Variants in METTL6 observed in about 807,000 individuals in gnomAD.
METTL6 encodes tRNA N(3)-cytidine methyltransferase METTL6.
Under a neutral mutation model 26.4 loss-of-function variants are expected in METTL6, and 22 were observed. The ratio of observed to expected loss-of-function variants is 0.83; its 90% CI spans 0.59 to 1.19. The LOEUF is 1.19. Ranked by LOEUF, METTL6 falls within the 50% of genes most tolerant of loss-of-function variation. The pLI is 0.00. For synonymous variants in METTL6, 109 were observed against 116.2 expected (o/e 0.94, Z 0.40); for missense variants, 304 against 324.8 (o/e 0.94, Z 0.49).
chr3:15,401,920 C>T (rs1482537077), intron 6 of METTL6, among the ~76,000 whole-genome samples: 1 of 152,224 alleles, frequency 6.6e-6, no homozygotes, highest in South Asian at 2.1e-4. Context: ...ACTACTGTGC[C>T]TATGGAGTAG....
At chr3:15,401,787 G>A (rs1699653992) in intron 6 of METTL6, among the ~76,000 whole-genome samples, 1 of 152,110 alleles carries the variant, frequency 6.6e-6, no homozygotes, top group African/African-American at 2.4e-5. Context: ...TCTTAAGTGG[G>A]GAGAAACCCT....
intron 3 of METTL6, among the ~76,000 whole-genome samples, chr3:15,419,050 C>G (rs558738136): frequency 5.9e-5 from 9 of 152,128 alleles, no homozygotes; most frequent in African/African-American, 2.2e-4. Flanking sequence ...TGCCCATGGT[C>G]CCAGCTCAGG....
In METTL6 at chr3:15,415,785, T is replaced by G; in HGVS notation, c.518A>C (p.Gln173Pro). 1 of 1,613,746 alleles carries G rather than the reference T, an allele frequency of 6.2e-7. No individual in the cohort carries two copies. Among genetic ancestry groups the G allele is most frequent in the South Asian group, 1.1e-5 (1 of 90,930 alleles). ...VHPDKMHLVL[Q>P]NIYKVLKPGK... ...CAAATCACTAACCTTGTAAATGTTT[T>G]GTAAGACAAGGTGCATCTTATCAGG... The change falls in exon 4 of 6, where the codon CAA (glutamine) becomes CCA (proline). Residue 173 changes from glutamine to proline, a missense_variant. Coordinates refer to ENST00000383790, the MANE Select transcript of METTL6 (RefSeq NM_152396.4).
In METTL6 at chr3:15,424,953, A is replaced by C. The variant is rs773491906; in HGVS notation, c.360+2T>G. 1.4e-5 allele frequency: 22 copies of C among 1,614,006 alleles called. No homozygotes were observed. The highest frequency in any genetic ancestry group is 1.8e-5 in the Non-Finnish European group (21 of 1,180,018). On this transcript the variant is annotated splice_donor_variant, in intron 3 of 5. Transcript: ENST00000383790. LOFTEE classifies it high-confidence loss of function. ...AGCAGAATACATAGATGGTGCACCA[A>C]CCTTAACATATTCAATGGCTCTTGG...
chr3:15,409,528 T>G (rs1699889767), downstream of METTL6, among the ~76,000 whole-genome samples: 1 of 152,226 alleles, frequency 6.6e-6, no homozygotes, highest in Non-Finnish European at 1.5e-5. Context: ...TTGCTACTGC[T>G]TCCTCATTTC....
intron 6 of METTL6, among the ~76,000 whole-genome samples, chr3:15,393,791 G>C (rs1450460062): frequency 6.6e-6 from 1 of 152,120 alleles, no homozygotes; most frequent in African/African-American, 2.4e-5. Flanking sequence ...TTATATGCTG[G>C]ATTACATTTA....
At chr3:15,403,092 T>A (rs1253657833) in intron 6 of METTL6, among the ~76,000 whole-genome samples, 1 of 152,188 alleles carries the variant, frequency 6.6e-6, no homozygotes, top group Non-Finnish European at 1.5e-5. Flanking sequence ...TTCTCACTGT[T>A]ACATTTTGCA....
intron 6 of METTL6, among the ~76,000 whole-genome samples, chr3:15,386,907 C>T (rs559187354): frequency 6.6e-6 from 1 of 152,208 alleles, no homozygotes; most frequent in Admixed American, 6.5e-5. Context: ...GATTCTCCAG[C>T]CTTGCCTCCT....
At position 15,394,220 on chromosome 3, in the gene METTL6, T is replaced by A. The variant is rs1268236990; in HGVS notation, c.*12-10033A>T. On this transcript the variant is annotated intron_variant, in intron 6 of 6. Coordinates refer to the METTL6 transcript ENST00000443029. ...GAGATTCAACTTCTTCCTGGTTTAG[T>A]CTTGGGAGAGTGTATGTGTCAAGGA... is the stretch of plus-strand genomic sequence containing the variant. 3.3e-5 allele frequency among the ~76,000 whole-genome samples: 5 copies of A among 152,234 alleles called. No individual in the cohort carries two copies. In the East Asian group the frequency reaches 9.6e-4, roughly 29 times the overall value.
rs145030366 is a variant in METTL6, at chr3:15,391,480, G to C, written c.*12-7293C>G. Among the ~76,000 whole-genome samples the C allele has an allele frequency of 3.5e-3, 527 of 152,024 alleles. 4 individuals carry two copies. The highest frequency in any genetic ancestry group is 0.012 in the African/African-American group (512 of 41,434). On this transcript the variant is annotated intron_variant, in intron 6 of 6. Transcript: ENST00000443029. Reference sequence around the variant, plus strand: ...ACATTGCAGAACAATTCCAGATCCTGTAACTTAGGTCCTGTATGTTGACAG... The same window carrying C: ...ACATTGCAGAACAATTCCAGATCCTCTAACTTAGGTCCTGTATGTTGACAG...
At chr3:15,384,930 A>G (rs1006617884) in intron 6 of METTL6, among the ~76,000 whole-genome samples, 4 of 152,198 alleles carry the variant, frequency 2.6e-5, no homozygotes. Context: ...TCTGTGAAAT[A>G]ATGGGTTACT....
chr3:15,401,553 A>G (rs867009575), intron 6 of METTL6, among the ~76,000 whole-genome samples: 91 of 150,938 alleles, frequency 6.0e-4, no homozygotes, highest in African/African-American at 2.2e-3. Flanking sequence ...AAAAAAAAAA[A>G]AAAAGAAAGA....
At chr3:15,406,631 G>C (rs866335510), downstream of METTL6, among the ~76,000 whole-genome samples, 2 of 90,478 alleles carry the variant, frequency 2.2e-5, no homozygotes, top group Non-Finnish European at 4.2e-5. Context: ...TATATATATA[G>C]AGAGAGAGAG....
At chr3:15,426,103 G>A (rs928646190) in intron 2 of METTL6, among the ~76,000 whole-genome samples, 184 bp downstream of exon 2, 1 of 152,178 alleles carries the variant, frequency 6.6e-6, no homozygotes, top group Non-Finnish European at 1.5e-5. Context: ...ACCACACCCA[G>A]CTAATTTTTG....
intron 6 of METTL6, among the ~76,000 whole-genome samples, chr3:15,395,702 C>CA (rs1699469105): frequency 6.6e-6 from 1 of 151,992 alleles, no homozygotes. Flanking sequence ...CTGGTGGTGA[C>CA]AAAATCTCTC....
At chr3:15,419,441 T>C (rs2061560622) in intron 3 of METTL6, among the ~76,000 whole-genome samples, 1 of 152,138 alleles carries the variant, frequency 6.6e-6, no homozygotes, top group South Asian at 2.1e-4. Context: ...AATAAACAAA[T>C]GTGGACTAAA....
chr3:15,422,322 T>C (rs910826664), intron 3 of METTL6, among the ~76,000 whole-genome samples: 21 of 151,298 alleles, frequency 1.4e-4, no homozygotes, highest in Non-Finnish European at 2.5e-4. Context: ...TGAGACCCTA[T>C]CTCAAAAAAT....
At chr3:15,415,422 G>A (rs1559492396) in intron 4 of METTL6, 1 of 1,386,846 alleles carries the variant, frequency 7.2e-7, no homozygotes, top group Non-Finnish European at 9.9e-7. Flanking sequence ...ATCCCAAAGT[G>A]TTGGGATTAC....
intron 6 of METTL6, among the ~76,000 whole-genome samples, chr3:15,402,615 T>C (rs1161388267): frequency 4.0e-5 from 6 of 151,494 alleles, no homozygotes; most frequent in Non-Finnish European, 8.8e-5. Context: ...ACACCTGTAA[T>C]CCCAGCTACT....
Sources: allele counts gnomAD v4.1 joint callset (sites outside exome capture counted in the v4.1 genomes callset), GRCh38; gene constraint gnomAD v4.1.1; transcripts MANE v1.5; gene names NCBI Gene and HGNC (gene_info 2026-07-23, HGNC 2026-07-21).